NTRK1: variants seen among roughly 807,000 people sequenced by gnomAD.
NTRK1 encodes the protein high affinity nerve growth factor receptor.
Under a neutral mutation model 86.8 loss-of-function variants are expected in NTRK1, and 62 were observed. That is an observed-to-expected ratio of 0.71 (90% CI 0.58 to 0.88). The LOEUF is 0.88. Ranked by LOEUF, NTRK1 falls within the 40% of genes least tolerant of loss-of-function variation. The probability of loss-of-function intolerance (pLI) is 0.00; values close to 1 mark genes in which losing one functional copy is unlikely to be tolerated. For synonymous variants in NTRK1, 469 were observed against 456.6 expected (o/e 1.03, Z -0.35); for missense variants, 967 against 1,078.4 (o/e 0.90, Z 1.45).
chr1:156,875,638 C>G lies in NTRK1; in HGVS notation c.1473C>G (p.Ile491Met), dbSNP rs373181158. ...GKGSGLQGHI[I>M]ENPQYFSDAC... The stretch of plus-strand genomic sequence containing the variant: ...GCTCTGGGCTCCAAGGCCACATCAT[C>G]GAGAACCCACAATACTTCAGTGATG... The change falls in exon 12 of 17, where the codon ATC (isoleucine) becomes ATG (methionine). Residue 491 changes from isoleucine to methionine, a missense_variant. Ile to Met is a conservative substitution (Grantham distance 10). Around this residue, in one of 2 missense-constraint regions of NTRK1, gnomAD observed 637 missense variants for 776.5 expected, o/e 0.82. Transcript: ENST00000524377. 3 of 1,613,052 alleles carry G rather than the reference C, an allele frequency of 1.9e-6. No individual in the cohort carries two copies. Among genetic ancestry groups the G allele is most frequent in the Non-Finnish European group, 2.5e-6 (3 of 1,179,848 alleles).
At chr1:156,876,992 T>A (rs1356053462) in intron 14 of NTRK1, among the ~76,000 whole-genome samples, 1 of 152,226 alleles carries the variant, frequency 6.6e-6, no homozygotes, top group Non-Finnish European at 1.5e-5. Context: ...TATAATTTAT[T>A]ATTTTTTATT....
chr1:156,870,515 G>A (rs1244322576), intron 6 of NTRK1, among the ~76,000 whole-genome samples: 6 of 152,216 alleles, frequency 3.9e-5, no homozygotes, highest in Non-Finnish European at 8.8e-5. Flanking sequence ...GAGGGGATGG[G>A]ACAGCCAAGG....
intron 2 of NTRK1, chr1:156,851,450 C>CAGGGCTGGAGTAGGAGCAAGGAAGGTGAT (rs1655202388): frequency 6.2e-7 from 1 of 1,613,942 alleles, no homozygotes; most frequent in African/African-American, 1.3e-5. Flanking sequence ...GATGGGAAGA[C>CAGGGCTGGAGTAGGAGCAAGGAAGGTGAT]AGGGCTGGAG....
intron 1 of NTRK1, among the ~76,000 whole-genome samples, chr1:156,831,956 C>T (rs1392353721): frequency 6.6e-6 from 1 of 152,150 alleles, no homozygotes; most frequent in East Asian, 1.9e-4. Flanking sequence ...GACTGAGGTC[C>T]TCACATGTCC....
chr1:156,880,253 T>C, intron 16 of NTRK1, 96 bp downstream of exon 16: 1 of 1,368,052 alleles, frequency 7.3e-7, no homozygotes, highest in Non-Finnish European at 1.0e-6. Context: ...TCTGCCCCTC[T>C]GCCACAGCCT....
chr1:156,826,607 G>A (rs1330208063), intron 1 of NTRK1, among the ~76,000 whole-genome samples: 1 of 152,128 alleles, frequency 6.6e-6, no homozygotes. Context: ...AGTAGTTGAG[G>A]CTAGAGGCAC....
chr1:156,832,676 G>C (rs1654495317), intron 1 of NTRK1, among the ~76,000 whole-genome samples: 1 of 152,186 alleles, frequency 6.6e-6, no homozygotes, highest in African/African-American at 2.4e-5. Flanking sequence ...GAAGCCTAGA[G>C]ATAGGCCTGC....
At chr1:156,836,336 C>A (rs541601868) in intron 1 of NTRK1, among the ~76,000 whole-genome samples, 1 of 152,170 alleles carries the variant, frequency 6.6e-6, no homozygotes, top group Non-Finnish European at 1.5e-5. Context: ...TGCATAGGGA[C>A]GTTTCTGAGT....
At chr1:156,867,593 A>G (rs1002505824) in intron 4 of NTRK1, among the ~76,000 whole-genome samples, 4 of 152,062 alleles carry the variant, frequency 2.6e-5, no homozygotes, top group Non-Finnish European at 5.9e-5. Flanking sequence ...TCGGCCTCCC[A>G]AAGTGCCGGG....
rs1647806221 is a variant in NTRK1, at chr1:156,874,944, C to T, written c.1290C>T (p.Leu430=). The T allele has an allele frequency of 2.5e-6, 4 of 1,614,076 alleles. No homozygotes were observed. Among genetic ancestry groups the T allele is most frequent in the Non-Finnish European group, 3.4e-6 (4 of 1,179,998 alleles). ...TGGGCCTGGCCGTCTTTGCCTGCCT[C>T]TTCCTTTCTACGCTGCTCCTTGTGC... ...VAVGLAVFAC[L]FLSTLLLVLN... The change falls in exon 11 of 17, where the codon CTC becomes CTT. Residue 430 remains leucine (L), a synonymous_variant. Coordinates refer to ENST00000524377, the MANE Select transcript of NTRK1 (RefSeq NM_002529.4).
At chr1:156,830,120 G>A (rs12756019) in intron 1 of NTRK1, among the ~76,000 whole-genome samples, 81,693 of 152,192 alleles carry the variant, frequency 0.54, 24,761 homozygotes, top group East Asian at 0.8. Flanking sequence ...GCTCTGCAAG[G>A]CCTGAACGCT....
Position 156,820,302 on chromosome 1 carries a change from A to G in NTRK1, c.-64+4464A>G, listed in dbSNP as rs374359195. ...CACTCTGTCACCAAGGCTGTAATGC[A>G]GTGGCACGATCTCGGCTCACTGCAG... On this transcript the variant is annotated intron_variant, in intron 1 of 16. Coordinates refer to the NTRK1 transcript ENST00000392302. Among the ~76,000 whole-genome samples, 8 of 152,218 alleles carry G rather than the reference A, an allele frequency of 5.3e-5. No homozygotes were observed. The East Asian group carries it at 1.5e-3, about 29-fold the overall frequency.
chr1:156,842,064 GTC>G (rs542461394), intron 1 of NTRK1: 107 of 1,610,484 alleles, frequency 6.6e-5, no homozygotes, highest in Non-Finnish European at 8.3e-5. Context: ...GCTTAAGGGA[GTC>G]TCTCTACTTT....
chr1:156,816,190 G>C, intron 1 of NTRK1: 1 of 1,487,660 alleles, frequency 6.7e-7, no homozygotes, highest in Non-Finnish European at 8.9e-7. Context: ...GATCTGGAGG[G>C]CTGGGACAGT....
intron 1 of NTRK1, chr1:156,841,646 T>A (rs1324396735): frequency 6.2e-7 from 1 of 1,612,452 alleles, no homozygotes; most frequent in East Asian, 2.2e-5. Flanking sequence ...TGGAGCCCTG[T>A]GCTCCAGCTC....
rs144234948 is a variant in NTRK1 at position 156,842,497 on chromosome 1, C to G, written c.50+304C>G. 24 of 1,613,970 alleles carry G rather than the reference C, an allele frequency of 1.5e-5. 1 individual carries two copies. In the African/African-American group the frequency reaches 2.5e-4, roughly 17 times the overall value. On this transcript the variant is annotated intron_variant, in intron 2 of 16. Coordinates refer to the NTRK1 transcript ENST00000392302. ...TTGGCTGGCCCTGAGATACCACACC[C>G]AGGAGACGCACCTGGGACAGACAAA... is the stretch of plus-strand genomic sequence containing the variant.
intron 4 of NTRK1, among the ~76,000 whole-genome samples, chr1:156,867,357 G>A (rs1655986481): frequency 6.6e-6 from 1 of 152,216 alleles, no homozygotes; most frequent in Non-Finnish European, 1.5e-5. Context: ...GGGGGGCTGT[G>A]CCCTTCCCTC....
chr1:156,835,160 G>A (rs1654567800), intron 1 of NTRK1, among the ~76,000 whole-genome samples: 1 of 152,126 alleles, frequency 6.6e-6, no homozygotes, highest in Non-Finnish European at 1.5e-5. Flanking sequence ...GGGTTGCTAG[G>A]AATCTCTGAG....
intron 2 of NTRK1, chr1:156,845,533 AC>A: frequency 1.4e-6 from 1 of 728,018 alleles, no homozygotes. Flanking sequence ...GCAAGGCCCC[AC>A]CCACAAACCC....
Sources: gnomAD v4.1 joint callset for allele counts (sites outside exome capture counted in the v4.1 genomes callset) on GRCh38, gnomAD v4.1.1 for gene constraint, gnomAD v4.1.1 regional missense constraint, MANE v1.5 for transcripts, NCBI Gene and HGNC (gene_info 2026-07-23, HGNC 2026-07-21) for gene names.